Variants in GAB4 observed in about 807,000 individuals in gnomAD.
GAB4 encodes GRB2 associated binding protein family member 4, also known as GRB2-associated-binding protein 4.
Under a neutral mutation model 51.3 loss-of-function variants are expected in GAB4, and 26 were observed. The observed-to-expected ratio is 0.51, with a 90% CI of 0.37 to 0.70. The LOEUF (loss-of-function observed/expected upper bound fraction) is 0.70. Among genes scored for constraint, GAB4 ranks in the 30% least tolerant of loss-of-function variants. The probability of loss-of-function intolerance (pLI) is 0.00; values close to 1 mark genes in which losing one functional copy is unlikely to be tolerated. For missense variants in GAB4, 759 were observed against 734.6 expected (o/e 1.03, Z -0.38); for synonymous variants, 329 against 291.2 (o/e 1.13, Z -1.32).
intron 1 of GAB4, among the ~76,000 whole-genome samples, chr22:17,000,928 G>T (rs1258336224): frequency 6.6e-6 from 1 of 152,118 alleles, no homozygotes; most frequent in African/African-American, 2.4e-5. Context: ...GAAATTCTGG[G>T]TTGAAAATTC....
At chr22:16,990,772 A>C (rs1269224981) in intron 2 of GAB4, among the ~76,000 whole-genome samples, 6 of 152,200 alleles carry the variant, frequency 3.9e-5, no homozygotes, top group Non-Finnish European at 8.8e-5. Flanking sequence ...ATCCTTTCAA[A>C]GCAGTTCTGG....
intron 1 of GAB4, among the ~76,000 whole-genome samples, chr22:16,996,108 A>G (rs942727726): frequency 6.6e-6 from 1 of 151,980 alleles, no homozygotes. Context: ...TTAGAGAAGA[A>G]CATAAATGAC....
chr22:17,007,831 G>T (rs1299494870), intron 1 of GAB4, 110 bp downstream of exon 1: 3 of 1,006,912 alleles, frequency 3.0e-6, no homozygotes, highest in East Asian at 5.3e-5. Flanking sequence ...TGGAGAAGTC[G>T]CCTCCACCCG....
chr22:16,967,487 A>C (rs578213172), intron 5 of GAB4: 4 of 152,344 alleles, frequency 2.6e-5, no homozygotes, highest in Non-Finnish European at 5.9e-5. Context: ...TGGCCCTGGA[A>C]GGTGACGTAT....
intron 1 of GAB4, among the ~76,000 whole-genome samples, chr22:16,998,517 G>C (rs2060969085): frequency 6.6e-6 from 1 of 152,220 alleles, no homozygotes; most frequent in Admixed American, 6.5e-5. Context: ...CTTGGCTGAA[G>C]TTGCTTATCA....
intron 3 of GAB4, among the ~76,000 whole-genome samples, chr22:16,971,428 TG>T (rs1169415379): frequency 6.6e-6 from 1 of 152,252 alleles, no homozygotes; most frequent in Non-Finnish European, 1.5e-5. Context: ...GTTTTGGAAC[TG>T]GGTTCTACGT....
chr22:17,007,897 A>C (rs1393942655), intron 1 of GAB4, 44 bp downstream of exon 1: 1 of 1,506,644 alleles, frequency 6.6e-7, no homozygotes, highest in Admixed American at 2.1e-5. Context: ...GAGTCCCCAG[A>C]CCCTCCGTGG....
intron 3 of GAB4, among the ~76,000 whole-genome samples, chr22:16,970,473 A>G (rs906702895): frequency 4.6e-5 from 7 of 152,228 alleles, no homozygotes; most frequent in Non-Finnish European, 8.8e-5. Flanking sequence ...TCTAGAGTCT[A>G]ATTCAATCAA....
At chr22:16,969,720 C>T (rs2123653216) in intron 4 of GAB4, 6 of 666,374 alleles carry the variant, frequency 9.0e-6, no homozygotes, top group Non-Finnish European at 1.6e-5. Context: ...CTGCTGAGGG[C>T]TGCCCCACTG....
chr22:16,963,636 C>T, intron 9 of GAB4, 89 bp downstream of exon 9: 10 of 884,252 alleles, frequency 1.1e-5, no homozygotes, highest in Non-Finnish European at 1.6e-5. Context: ...GCCCAGCAGC[C>T]CAGTGCTGCC....
chr22:17,003,395 T>A (rs528232498), intron 1 of GAB4, among the ~76,000 whole-genome samples: 56 of 152,264 alleles, frequency 3.7e-4, no homozygotes, highest in African/African-American at 1.3e-3. Context: ...GAGCACCACA[T>A]AGCACTCACT....
At chr22:16,970,957 A>G (rs115193702) in intron 3 of GAB4, among the ~76,000 whole-genome samples, 2,373 of 152,160 alleles carry the variant, frequency 0.016, 58 homozygotes, top group African/African-American at 0.054. Flanking sequence ...GCACTTTAGG[A>G]AGCCCAGACA....
intron 3 of GAB4, among the ~76,000 whole-genome samples, chr22:16,975,681 C>T (rs1321003931): frequency 1.3e-5 from 2 of 152,246 alleles, no homozygotes; most frequent in African/African-American, 4.8e-5. Context: ...ACTGCCTCCT[C>T]AAGCAGGTCC....
At position 16,991,870 on chromosome 22, in the gene GAB4, T is replaced by C. The variant is rs747566166; in HGVS notation, c.478+3A>G. ...TGAGACAGGGCTGTGTGTGCTCCCA[T>C]ACCTGTGCTTTCCTCCTGCCTGAAG... On this transcript the variant is annotated splice_donor_region_variant and intron_variant, in intron 2 of 9. Coordinates refer to ENST00000400588, the MANE Select transcript of GAB4 (RefSeq NM_001037814.1). 6.2e-7 allele frequency: 1 copy of C among 1,609,508 alleles called. No homozygotes were observed. Among genetic ancestry groups the C allele is most frequent in the South Asian group, 1.1e-5 (1 of 90,394 alleles).
rs1601299153 is a variant in GAB4, at chr22:17,008,215, T to C, written c.-101A>G. ...CTTGCGATACCCTGGGACTGCGGGG[T>C]AGAAAGCGCAGTTCTAGGGGAGGTC... On this transcript the variant is annotated 5_prime_UTR_variant, in exon 1 of 10. Coordinates refer to ENST00000400588, the MANE Select transcript of GAB4 (RefSeq NM_001037814.1). 3.6e-6 allele frequency: 3 copies of C among 837,782 alleles called. No homozygotes were observed. In the East Asian group the frequency reaches 8.1e-5, roughly 23 times the overall value. The allele number at this position is 837,782 out of a possible 1,614,324, so 51.9% of individuals were successfully genotyped here. A position where few individuals can be genotyped will look rare whatever the true frequency, so the allele number is the denominator to read the frequency against.
At chr22:16,996,028 T>G (rs772046170) in intron 1 of GAB4, among the ~76,000 whole-genome samples, 11 of 152,126 alleles carry the variant, frequency 7.2e-5, no homozygotes, top group Non-Finnish European at 4.4e-5. Context: ...AGGAGCATGG[T>G]CTAACCCAAT....
intron 1 of GAB4, among the ~76,000 whole-genome samples, chr22:16,999,904 T>C (rs1390350273): frequency 2.0e-5 from 3 of 152,228 alleles, no homozygotes; most frequent in African/African-American, 4.8e-5. Context: ...ATGTACCCAG[T>C]AGTCACTCAG....
At position 16,992,547 on chromosome 22, in the gene GAB4, C is replaced by A. The variant is rs376000907; in HGVS notation, c.175-371G>T. Among the ~76,000 whole-genome samples, 9 of 152,210 alleles carry A rather than the reference C, an allele frequency of 5.9e-5. No individual in the cohort carries two copies. In the East Asian group the frequency reaches 1.2e-3, roughly 20 times the overall value. Reference sequence around the variant, plus strand: ...CTTAGTTTATAGATGGGGACCTCCACTAAGCATGGTGAGTTGAAGCAACAA... The same window carrying A: ...CTTAGTTTATAGATGGGGACCTCCAATAAGCATGGTGAGTTGAAGCAACAA... On this transcript the variant is annotated intron_variant, in intron 1 of 9. Transcript: ENST00000400588.
rs774246746 is a variant in GAB4 at position 16,962,912 on chromosome 22, T to C, written c.1582-36A>G. 2.1e-5 allele frequency: 34 copies of C among 1,590,102 alleles called. No homozygotes were observed. The Admixed American group carries it at 5.4e-4, about 25-fold the overall frequency. ...GAGGGTGGAAGTGGGAGTGGCAGTGTCTGTGAGTTCCTGGTGAGGAAGGGC... is the reference window on the plus strand; with the variant it reads ...GAGGGTGGAAGTGGGAGTGGCAGTGCCTGTGAGTTCCTGGTGAGGAAGGGC... On this transcript the variant is annotated intron_variant, in intron 9 of 9. Transcript: ENST00000400588.
Sources: gnomAD v4.1 joint callset for allele counts (sites outside exome capture counted in the v4.1 genomes callset) on GRCh38, gnomAD v4.1.1 for gene constraint, MANE v1.5 for transcripts, NCBI Gene and HGNC (gene_info 2026-07-23, HGNC 2026-07-21) for gene names.